The following SIRT1 variants were observed in gnomAD, a reference collection of about 807,000 sequenced individuals.
SIRT1 encodes NAD-dependent protein deacetylase sirtuin-1.
Under a neutral mutation model 67.9 loss-of-function variants are expected in SIRT1, and 24 were observed. The ratio of observed to expected loss-of-function variants is 0.35; its 90% CI spans 0.26 to 0.50. The LOEUF (loss-of-function observed/expected upper bound fraction) is 0.50. Among genes scored for constraint, SIRT1 ranks in the 20% least tolerant of loss-of-function variants. The pLI is 0.98. For synonymous variants in SIRT1, 378 were observed against 350.7 expected, an observed-to-expected ratio of 1.08 and a Z score of -0.87; for missense variants, 873 against 937.2, an observed-to-expected ratio of 0.93 and a Z score of 0.89.
In SIRT1 at chr10:67,885,068, T is replaced by C; in HGVS notation, c.347T>C (p.Leu116Pro). ...GLQGPSREPP[L>P]ADNLYDEDDD... ...CAGGGCCCATCTCGGGAGCCACCGC[T>C]GGCCGACAACTTGTACGACGAAGAC... The change falls in exon 1 of 9, where the codon CTG (leucine) becomes CCG (proline). Residue 116 changes from leucine (L) to proline (P), a missense_variant. Leu to Pro is a moderately conservative substitution (Grantham distance 98). Around this residue, in one of 3 missense-constraint regions of SIRT1, gnomAD observed 327 missense variants for 283.9 expected, o/e 1.15. Transcript: ENST00000212015. The C allele has an allele frequency of 7.0e-7, 1 of 1,437,330 alleles. No individual in the cohort carries two copies. Among genetic ancestry groups the C allele is most frequent in the Non-Finnish European group, 9.2e-7 (1 of 1,088,570 alleles). The allele number at this position is 1,437,330 out of a possible 1,614,324, so 89.0% of individuals were successfully genotyped here.
chr10:67,891,352 C>T (rs772523565), intron 3 of SIRT1, 50 bp from the exon 4 acceptor site: 8 of 1,560,280 alleles, frequency 5.1e-6, no homozygotes, highest in South Asian at 1.1e-5. Context: ...TAGCTAGTTC[C>T]TATAAAGGTA....
chr10:67,893,833 G>T (rs1055874491), intron 4 of SIRT1, among the ~76,000 whole-genome samples: 6 of 152,140 alleles, frequency 3.9e-5, no homozygotes, highest in Non-Finnish European at 7.4e-5. Flanking sequence ...GCGAGGCACC[G>T]CGCCCCGCGC....
intron 4 of SIRT1, among the ~76,000 whole-genome samples, chr10:67,901,089 A>G (rs1842737832): frequency 6.6e-6 from 1 of 152,168 alleles, no homozygotes; most frequent in Admixed American, 6.5e-5. Context: ...AAAAATAGAA[A>G]ACTTGAGGGT....
chr10:67,899,855 C>T (rs558656975), intron 4 of SIRT1, among the ~76,000 whole-genome samples: 195 of 151,952 alleles, frequency 1.3e-3, no homozygotes, highest in South Asian at 9.1e-3. Context: ...GAGGCCGAGG[C>T]GGGTGGATCA....
intron 4 of SIRT1, among the ~76,000 whole-genome samples, chr10:67,897,613 C>T (rs1273266396): frequency 6.6e-6 from 1 of 152,014 alleles, no homozygotes; most frequent in Non-Finnish European, 1.5e-5. Context: ...TCACCCACCT[C>T]TGCCTCCCAA....
intron 4 of SIRT1, chr10:67,906,383 T>C (rs1842820825): frequency 7.7e-7 from 1 of 1,291,272 alleles, no homozygotes; most frequent in African/African-American, 1.5e-5. Flanking sequence ...GTATTGACAG[T>C]GCTTTTTTTT....
chr10:67,899,916 C>T (rs1234841485), intron 4 of SIRT1, among the ~76,000 whole-genome samples: 1 of 151,832 alleles, frequency 6.6e-6, no homozygotes, highest in Admixed American at 6.6e-5. Flanking sequence ...AAACCCTTCT[C>T]TACTAAAAAT....
At chr10:67,899,656 A>C (rs1348518804) in intron 4 of SIRT1, among the ~76,000 whole-genome samples, 1 of 152,170 alleles carries the variant, frequency 6.6e-6, no homozygotes, top group Admixed American at 6.6e-5. Context: ...TAACAGATAT[A>C]CCTTATTTTT....
At chr10:67,909,466 G>C in intron 7 of SIRT1, 24 bp downstream of exon 7, 1 of 1,581,656 alleles carries the variant, frequency 6.3e-7, no homozygotes, top group Non-Finnish European at 8.6e-7. Flanking sequence ...GGTTTTTGGA[G>C]AACATTTCTA....
At position 67,916,853 on chromosome 10, in the gene SIRT1, CT is replaced by C. The variant is rs34333992; in HGVS notation, c.*263del. 3 of 73,944 alleles carry C rather than the reference CT, an allele frequency of 4.1e-5. No individual in the cohort carries two copies. In the South Asian group the frequency reaches 1.4e-3, roughly 33 times the overall value. The allele number at this position is 73,944 out of a possible 1,614,324, so 4.6% of individuals were successfully genotyped here. The stretch of plus-strand genomic sequence containing the variant: ...TCAATCAGCTGTTGGTCAAGACTAA[CT>C]TTCTTTTAAAGGTTCATTTGTATGA... On this transcript the variant is annotated 3_prime_UTR_variant, in exon 9 of 9. Coordinates refer to ENST00000212015, the MANE Select transcript of SIRT1 (RefSeq NM_012238.5).
chr10:67,893,541 CT>C (rs537770097), intron 4 of SIRT1, among the ~76,000 whole-genome samples: 3,994 of 131,400 alleles, frequency 0.03, 100 homozygotes, highest in African/African-American at 0.1. Flanking sequence ...ATGAACCTAG[CT>C]TTTTTTTTTT....
At chr10:67,913,801 C>T (rs1842936577) in intron 8 of SIRT1, among the ~76,000 whole-genome samples, 1 of 152,114 alleles carries the variant, frequency 6.6e-6, no homozygotes, top group Admixed American at 6.5e-5. Flanking sequence ...TTCCATTTAC[C>T]ATACTTGGCG....
Position 67,917,878 on chromosome 10 carries a change from T to C in SIRT1, c.*1285T>C, listed in dbSNP as rs950072403. The C allele has an allele frequency of 2.0e-5, 3 of 152,578 alleles. No homozygotes were observed. The highest frequency in any genetic ancestry group is 2.9e-5 in the Non-Finnish European group (2 of 68,038). 9.5% of individuals were successfully genotyped at this position (152,578 alleles called of 1,614,324 possible). A position where few individuals can be genotyped will look rare whatever the true frequency, so the allele number is the denominator to read the frequency against. ...TTCAAGAAGTTCATACTTTATGAAA[T>C]TGCACAGTAAGCATTTATTTTTCAG... On this transcript the variant is annotated 3_prime_UTR_variant, in exon 9 of 9. Coordinates refer to ENST00000212015, the MANE Select transcript of SIRT1 (RefSeq NM_012238.5).
At chr10:67,895,743 T>G (rs1027609777) in intron 4 of SIRT1, among the ~76,000 whole-genome samples, 5 of 89,116 alleles carry the variant, frequency 5.6e-5, no homozygotes, top group South Asian at 3.5e-4. Flanking sequence ...GTTTTTTTTT[T>G]TTTTGTTTTT....
At chr10:67,905,493 A>C (rs186023855) in intron 4 of SIRT1, among the ~76,000 whole-genome samples, 47 of 152,356 alleles carry the variant, frequency 3.1e-4, no homozygotes, top group African/African-American at 9.9e-4. Context: ...TGTATGTGAT[A>C]GCTGTTAACG....
chr10:67,900,798 TCCTTGAATTA>T lies in SIRT1; in HGVS notation c.943-5988_943-5979del, dbSNP rs1400136310. Among the ~76,000 whole-genome samples, 11 of 152,328 alleles carry T rather than the reference TCCTTGAATTA, an allele frequency of 7.2e-5. No individual in the cohort carries two copies. The East Asian group carries it at 2.1e-3, about 29-fold the overall frequency. ...CTGGTTACTACTGGCCGTTTGTATA[TCCTTGAATTA>T]CCTCTTTGTTTTTAGCCATTTTTCT... is the stretch of plus-strand genomic sequence containing the variant. On this transcript the variant is annotated intron_variant, in intron 4 of 8. Coordinates refer to ENST00000212015, the MANE Select transcript of SIRT1 (RefSeq NM_012238.5).
intron 1 of SIRT1, 24 bp from the exon 2 acceptor site, chr10:67,887,393 T>G: frequency 6.6e-7 from 1 of 1,510,778 alleles, no homozygotes; most frequent in African/African-American, 1.4e-5. Context: ...TTGATAGCCT[T>G]GACTGACTTG....
At chr10:67,885,352 T>TCCGTCCGTGGCCCGCCTGGGCG in intron 1 of SIRT1, 2 of 1,235,550 alleles carry the variant, frequency 1.6e-6, no homozygotes, top group Non-Finnish European at 2.0e-6. Flanking sequence ...GCTCTTTTCC[T>TCCGTCCGTGGCCCGCCTGGGCG]CCGTCCGTGG....
chr10:67,889,002 T>C lies in SIRT1; in HGVS notation c.668T>C (p.Ile223Thr). ...TTGGATGATATGACACTGTGGCAGA[T>C]TGTTATTAATATCCTTTCAGAACCA... ...PELDDMTLWQIVINILSEPPK... is the reference protein window; with the variant it reads ...PELDDMTLWQTVINILSEPPK... Residue 223 changes from isoleucine (I) to threonine (T), a missense_variant, in exon 3 of 9, where the codon ATT (isoleucine) becomes ACT (threonine). Transcript: ENST00000212015. 1 of 1,613,924 alleles carries C rather than the reference T, an allele frequency of 6.2e-7. No individual in the cohort carries two copies.
Sources: allele counts gnomAD v4.1 joint callset (sites outside exome capture counted in the v4.1 genomes callset), GRCh38; gene constraint gnomAD v4.1.1; regional missense constraint gnomAD v4.1.1; transcripts MANE v1.5; gene names NCBI Gene and HGNC (gene_info 2026-07-23, HGNC 2026-07-21).